Variants in ESR1 observed in about 807,000 individuals in gnomAD.
ESR1 encodes the protein estrogen receptor.
A neutral mutation model predicts 52.7 loss-of-function variants in ESR1; 12 were observed. That is an observed-to-expected ratio of 0.23 (90% CI 0.15 to 0.37). The LOEUF is 0.37. Ranked by LOEUF, ESR1 falls within the 10% of genes least tolerant of loss-of-function variation. The probability of loss-of-function intolerance (pLI) is 1.00; values close to 1 mark genes in which losing one functional copy is unlikely to be tolerated. For synonymous variants in ESR1, 305 were observed against 316.8 expected, an observed-to-expected ratio of 0.96 and a Z score of 0.39; for missense variants, 584 against 779.7, an observed-to-expected ratio of 0.75 and a Z score of 2.99.
At chr6:152,015,863 C>G (rs183091036) in intron 5 of ESR1, among the ~76,000 whole-genome samples, 2 of 152,068 alleles carry the variant, frequency 1.3e-5, no homozygotes, top group Non-Finnish European at 2.9e-5. Context: ...TGGGGAAAAG[C>G]AAAGACTCTT....
chr6:151,875,385 C>T (rs541503914), intron 2 of ESR1, among the ~76,000 whole-genome samples: 49 of 152,284 alleles, frequency 3.2e-4, no homozygotes, highest in South Asian at 2.5e-3. Context: ...AGGAGGCCTG[C>T]GCTCCACAAA....
chr6:151,855,552 G>A (rs1288222046), intron 2 of ESR1, among the ~76,000 whole-genome samples: 1 of 152,160 alleles, frequency 6.6e-6, no homozygotes, highest in Non-Finnish European at 1.5e-5. Context: ...AAAATAAAAT[G>A]TAACAGATAT....
chr6:151,920,431 A>G (rs530711308), intron 3 of ESR1, among the ~76,000 whole-genome samples: 2 of 152,214 alleles, frequency 1.3e-5, no homozygotes, highest in Non-Finnish European at 2.9e-5. Flanking sequence ...CTTACATTAT[A>G]TGGTACATCT....
chr6:151,669,189 A>AGAGAGAGAGGGAGC, intron 1 of ESR1, among the ~76,000 whole-genome samples: 1 of 87,172 alleles, frequency 1.1e-5, no homozygotes, highest in South Asian at 4.7e-4. Context: ...AGAGAGAGAG[A>AGAGAGAGAGGGAGC]TGGGAATCCA....
intron 2 of ESR1, among the ~76,000 whole-genome samples, chr6:151,843,118 A>G (rs1396558061): frequency 1.3e-5 from 2 of 152,230 alleles, no homozygotes; most frequent in Non-Finnish European, 2.9e-5. Context: ...GGAATGCCAG[A>G]TGGACATTCA....
Position 152,103,245 on chromosome 6 carries a change from T to G in ESR1, c.*4279T>G, listed in dbSNP as rs1335977891. 1.1e-5 allele frequency: 2 copies of G among 182,442 alleles called. No homozygotes were observed. The allele number at this position is 182,442 out of a possible 1,614,324, so 11.3% of individuals were successfully genotyped here. A position where few individuals can be genotyped will look rare whatever the true frequency, so the allele number is the denominator to read the frequency against. ...ACCTGTAAACAATTTTCTCAACCTA[T>G]TTGATGTTCAAATAAAGAATTAAAC... On this transcript the variant is annotated 3_prime_UTR_variant, in exon 8 of 8. Coordinates refer to ENST00000206249, the MANE Select transcript of ESR1 (RefSeq NM_000125.4).
chr6:151,894,757 T>C (rs1300435018), intron 3 of ESR1, among the ~76,000 whole-genome samples: 2 of 152,238 alleles, frequency 1.3e-5, no homozygotes. Context: ...TGCCTATTTT[T>C]ATACCAGTAC....
rs773299604 is a variant in ESR1 at position 152,111,903 on chromosome 6, C to T, written c.851-13363C>T. Reference sequence around the variant, plus strand: ...GAGCTGCCAGATGGTTCCCTAAGAACGGATTACAAACTAGAGTAAACACTC... The same window carrying T: ...GAGCTGCCAGATGGTTCCCTAAGAATGGATTACAAACTAGAGTAAACACTC... On this transcript the variant is annotated intron_variant, in intron 6 of 6. Coordinates refer to the ESR1 transcript ENST00000427531. Among the ~76,000 whole-genome samples the T allele has an allele frequency of 2.6e-4, 40 of 152,130 alleles. 1 individual carries two copies. Among genetic ancestry groups the T allele is most frequent in the East Asian group, 1.9e-4 (1 of 5,190 alleles).
At chr6:151,858,517 C>G (rs1258441582) in intron 2 of ESR1, among the ~76,000 whole-genome samples, 1 of 151,992 alleles carries the variant, frequency 6.6e-6, no homozygotes, top group Non-Finnish European at 1.5e-5. Context: ...GAAACAGTGC[C>G]TGACCCTCAC....
intron 5 of ESR1, among the ~76,000 whole-genome samples, chr6:152,022,898 A>G (rs1026294083): frequency 6.6e-6 from 1 of 151,684 alleles, no homozygotes; most frequent in Admixed American, 6.6e-5. Context: ...AATCACTTGA[A>G]CCTGGGAGGC....
chr6:151,994,226 T>C (rs994623566), intron 4 of ESR1, among the ~76,000 whole-genome samples: 1 of 152,172 alleles, frequency 6.6e-6, no homozygotes, highest in African/African-American at 2.4e-5. Flanking sequence ...TTCTCCTTTC[T>C]AGACCTCAGT....
At chr6:152,109,061 A>C (rs2152513090) in intron 6 of ESR1, among the ~76,000 whole-genome samples, 1 of 152,282 alleles carries the variant, frequency 6.6e-6, no homozygotes, top group South Asian at 2.1e-4. Context: ...GAGAAGGCAG[A>C]GGGAGGTGGG....
chr6:152,085,203 T>A (rs2152475193), intron 6 of ESR1, among the ~76,000 whole-genome samples: 1 of 152,148 alleles, frequency 6.6e-6, no homozygotes, highest in East Asian at 1.9e-4. Flanking sequence ...CTTGAGAGGC[T>A]GAGGTGGGAG....
At chr6:151,999,526 G>A (rs893242548) in intron 4 of ESR1, among the ~76,000 whole-genome samples, 5 of 152,050 alleles carry the variant, frequency 3.3e-5, no homozygotes, top group Non-Finnish European at 7.4e-5. Flanking sequence ...TACTTTCTTA[G>A]CTCTTCAATC....
chr6:151,937,964 G>A (rs1014963916), intron 3 of ESR1, among the ~76,000 whole-genome samples: 6 of 152,248 alleles, frequency 3.9e-5, no homozygotes, highest in African/African-American at 1.4e-4. Context: ...TGATACTGGG[G>A]AGTCTCTCCA....
At position 151,944,174 on chromosome 6, in the gene ESR1, G is replaced by A; in HGVS notation, c.762G>A (p.Gly254=). The A allele has an allele frequency of 6.2e-7, 1 of 1,613,408 alleles. No homozygotes were observed. Among genetic ancestry groups the A allele is most frequent in the Middle Eastern group, 1.6e-4 (1 of 6,062 alleles). The change falls in exon 4 of 8, where the codon GGG becomes GGA. Residue 254 remains glycine (G), a splice_region_variant and synonymous_variant. Transcript: ENST00000206249. The part of the protein sequence containing the change: ...KCYEVGMMKG[G]IRKDRRGGRM... ...TTTTTTTTCCACCTGTGTTTTCAGG[G>A]ATACGAAAAGACCGAAGAGGAGGGA...
chr6:152,008,641 T>C (rs2042521095), intron 4 of ESR1, among the ~76,000 whole-genome samples: 1 of 152,092 alleles, frequency 6.6e-6, no homozygotes, highest in African/African-American at 2.4e-5. Flanking sequence ...TCAGCTGCAA[T>C]TGTAACTCAT....
chr6:152,086,528 T>C (rs2049735374), intron 6 of ESR1, among the ~76,000 whole-genome samples: 1 of 151,398 alleles, frequency 6.6e-6, no homozygotes, highest in Non-Finnish European at 1.5e-5. Flanking sequence ...AAAGTGCACA[T>C]GTAAGATTTT....
chr6:152,129,345 TG>T (rs1335655888), exon 7 of ESR1: 2 of 152,220 alleles, frequency 1.3e-5, no homozygotes, highest in Admixed American at 1.3e-4. Context: ...CTCGAAGGAA[TG>T]CTGTGGGGAT....
Sources: gnomAD v4.1 joint callset for allele counts (sites outside exome capture counted in the v4.1 genomes callset) on GRCh38, gnomAD v4.1.1 for gene constraint, MANE v1.5 for transcripts, NCBI Gene and HGNC (gene_info 2026-07-23, HGNC 2026-07-21) for gene names.